Variants in FKBP5 observed in about 807,000 individuals in gnomAD.
FKBP5 encodes the protein FKBP prolyl isomerase 5, also known as peptidyl-prolyl cis-trans isomerase FKBP5.
Under a neutral mutation model 50.5 loss-of-function variants are expected in FKBP5, and 23 were observed. The ratio of observed to expected loss-of-function variants is 0.46; its 90% confidence interval spans 0.33 to 0.65. The LOEUF is 0.65. FKBP5 is among the 30% of genes least tolerant of loss of function. The pLI is 0.02. For synonymous variants in FKBP5, 176 were observed against 190.6 expected (o/e 0.92, Z 0.63); for missense variants, 411 against 553.1 (o/e 0.74, Z 2.58).
At chr6:35,636,160 A>C (rs1764304237) in intron 3 of FKBP5, among the ~76,000 whole-genome samples, 1 of 152,198 alleles carries the variant, frequency 6.6e-6, no homozygotes, top group Non-Finnish European at 1.5e-5. Context: ...TTCATTGTAT[A>C]TTTAAAACCA....
intron 1 of FKBP5, among the ~76,000 whole-genome samples, chr6:35,682,322 C>A (rs1015210814): frequency 6.6e-6 from 1 of 152,180 alleles, no homozygotes; most frequent in African/African-American, 2.4e-5. Flanking sequence ...GATGCAGACT[C>A]AATCTCTAAG....
At chr6:35,593,687 C>T (rs1160861808) in intron 6 of FKBP5, among the ~76,000 whole-genome samples, 4 of 151,936 alleles carry the variant, frequency 2.6e-5, no homozygotes, top group East Asian at 1.9e-4. Flanking sequence ...CCCGAGTAGC[C>T]GGAATTACAG....
chr6:35,656,898 AAAAAAAAAAAAG>A lies in FKBP5; in HGVS notation c.-19-14067_-19-14056del, dbSNP rs1453344374. Among the ~76,000 whole-genome samples, 3 of 145,134 alleles carry A rather than the reference AAAAAAAAAAAAG, an allele frequency of 2.1e-5. No individual in the cohort carries two copies. The Admixed American group carries it at 2.1e-4, about 10-fold the overall frequency. The stretch of plus-strand genomic sequence containing the variant: ...GGGAAACAGCAAGACTCCGTCTCAA[AAAAAAAAAAAAG>A]AAAAAAGAAAAAGAAAAAAAGCCGG... On this transcript the variant is annotated intron_variant, in intron 1 of 10. Transcript: ENST00000357266.
chr6:35,690,164 G>A (rs764589328), upstream of FKBP5, among the ~76,000 whole-genome samples: 11 of 152,194 alleles, frequency 7.2e-5, no homozygotes, highest in Admixed American at 1.3e-4. Context: ...TCGCCATGCT[G>A]CCTTCAAGAG....
chr6:35,663,042 G>C (rs1440752900), intron 1 of FKBP5, among the ~76,000 whole-genome samples: 1 of 152,192 alleles, frequency 6.6e-6, no homozygotes, highest in Non-Finnish European at 1.5e-5. Context: ...ACCGGCAAGG[G>C]TGTGGCAAGA....
At chr6:35,660,054 C>T in intron 1 of FKBP5, among the ~76,000 whole-genome samples, 1 of 84,200 alleles carries the variant, frequency 1.2e-5, no homozygotes, top group African/African-American at 3.7e-5. Flanking sequence ...CCACAACCCA[C>T]ATATTCTGAT....
chr6:35,670,868 C>A (rs1468868511), intron 1 of FKBP5, among the ~76,000 whole-genome samples: 6 of 152,050 alleles, frequency 3.9e-5, no homozygotes, highest in Admixed American at 3.9e-4. Context: ...AAAACTCAGT[C>A]ACATATTTAA....
chr6:35,693,326 C>G (rs1766029694), upstream of FKBP5, among the ~76,000 whole-genome samples: 1 of 151,590 alleles, frequency 6.6e-6, no homozygotes, highest in Non-Finnish European at 1.5e-5. Context: ...CCACGCCCAG[C>G]TAATTTTTTT....
At chr6:35,652,766 T>C (rs1222436716) in intron 1 of FKBP5, among the ~76,000 whole-genome samples, 2 of 152,170 alleles carry the variant, frequency 1.3e-5, no homozygotes, top group Non-Finnish European at 2.9e-5. Context: ...CCCTGTTAAG[T>C]ACTTGACGTC....
chr6:35,693,023 GC>G (rs2151016377), upstream of FKBP5, among the ~76,000 whole-genome samples: 1 of 123,940 alleles, frequency 8.1e-6, no homozygotes, highest in South Asian at 2.5e-4. Flanking sequence ...ATCCTTCTAT[GC>G]TTTGTCCTAA....
chr6:35,697,754 T>C (rs527590326), intron 2 of FKBP5, among the ~76,000 whole-genome samples: 38 of 152,198 alleles, frequency 2.5e-4, no homozygotes, highest in Non-Finnish European at 4.4e-4. Context: ...GGGAAGGTGA[T>C]AGGTAAAGAA....
rs1294670842 is a variant in FKBP5, at chr6:35,660,065, A to G, written c.-19-17222T>C. Among the ~76,000 whole-genome samples, 4 of 84,168 alleles carry G rather than the reference A, an allele frequency of 4.8e-5. 2 individuals carry two copies. The highest frequency in any genetic ancestry group is 1.1e-4 in the Non-Finnish European group (4 of 36,718). 55.2% of individuals were successfully genotyped at this position (84,168 alleles called of 152,430 possible). On this transcript the variant is annotated intron_variant, in intron 1 of 10. Coordinates refer to ENST00000357266, the MANE Select transcript of FKBP5 (RefSeq NM_004117.4). ...TTAACCACAACCCACATATTCTGAT[A>G]TGATTTTCATTAAGTACAAAATACT...
intron 1 of FKBP5, among the ~76,000 whole-genome samples, chr6:35,647,476 T>TG (rs1561875537): frequency 6.6e-6 from 1 of 152,194 alleles, no homozygotes; most frequent in African/African-American, 2.4e-5. Context: ...ACCAGAACTT[T>TG]GGGGGAATTT....
intron 1 of FKBP5, among the ~76,000 whole-genome samples, chr6:35,724,398 T>C (rs1268965263): frequency 6.6e-6 from 1 of 152,206 alleles, no homozygotes; most frequent in African/African-American, 2.4e-5. Context: ...TATCCAGATT[T>C]CAGCCTGTCG....
intron 5 of FKBP5, among the ~76,000 whole-genome samples, chr6:35,604,013 T>C (rs527288064): frequency 6.6e-6 from 1 of 150,700 alleles, no homozygotes; most frequent in South Asian, 2.1e-4. Context: ...GCCTCTTTAT[T>C]GTTTTTGTTT....
upstream of FKBP5, among the ~76,000 whole-genome samples, chr6:35,690,243 C>T (rs1765958787): frequency 1.3e-5 from 2 of 152,212 alleles, no homozygotes; most frequent in South Asian, 2.1e-4. Flanking sequence ...CCGAGATGGG[C>T]GGATCACCTG....
At chr6:35,651,521 G>C (rs1232196582) in intron 1 of FKBP5, among the ~76,000 whole-genome samples, 4 of 152,114 alleles carry the variant, frequency 2.6e-5, no homozygotes, top group Non-Finnish European at 4.4e-5. Flanking sequence ...GTGGGTGACA[G>C]TTATATGTTG....
At chr6:35,712,024 C>T (rs370987448) in intron 2 of FKBP5, among the ~76,000 whole-genome samples, 27 of 135,924 alleles carry the variant, frequency 2.0e-4, no homozygotes, top group African/African-American at 7.5e-4. Context: ...CAGGTGTGTA[C>T]AATCGCACTG....
At chr6:35,689,992 C>T (rs1409106919), upstream of FKBP5, among the ~76,000 whole-genome samples, 1 of 152,196 alleles carries the variant, frequency 6.6e-6, no homozygotes, top group Non-Finnish European at 1.5e-5. Flanking sequence ...TTTAAGGAAA[C>T]AGAAACCTGA....
Sources: allele counts gnomAD v4.1 joint callset (sites outside exome capture counted in the v4.1 genomes callset), GRCh38; gene constraint gnomAD v4.1.1; transcripts MANE v1.5; gene names NCBI Gene and HGNC (gene_info 2026-07-23, HGNC 2026-07-21).